The following SLC39A9 variants were observed in gnomAD, a reference collection of about 807,000 sequenced individuals.
SLC39A9 encodes the protein solute carrier family 39 member 9, also known as zinc transporter ZIP9.
In SLC39A9, 14 loss-of-function variants were observed where a neutral mutation model predicts 28.4. The observed-to-expected ratio is 0.49, with a 90% CI of 0.33 to 0.77. The LOEUF is 0.77. SLC39A9 is among the 30% of genes least tolerant of loss of function. The pLI is 0.02. For synonymous variants in SLC39A9, 119 were observed against 149.6 expected (o/e 0.80, Z 1.49); for missense variants, 283 against 381.1 (o/e 0.74, Z 2.14).
At chr14:69,425,468 A>G (rs1248286473) in intron 2 of SLC39A9, among the ~76,000 whole-genome samples, 2 of 152,166 alleles carry the variant, frequency 1.3e-5, no homozygotes, top group Non-Finnish European at 2.9e-5. Flanking sequence ...TAAAAGTATG[A>G]TTTCCTGACC....
At chr14:69,429,392 T>C (rs1884369959) in intron 2 of SLC39A9, 1 of 152,212 alleles carries the variant, frequency 6.6e-6, no homozygotes, top group Non-Finnish European at 1.5e-5. Context: ...ATGAACCATG[T>C]TTGGCTATTC....
At chr14:69,420,290 G>A (rs1239048383) in intron 1 of SLC39A9, among the ~76,000 whole-genome samples, 1 of 152,186 alleles carries the variant, frequency 6.6e-6, no homozygotes, top group Non-Finnish European at 1.5e-5. Context: ...ATTCTGGGTT[G>A]AAAATTCTTT....
intron 2 of SLC39A9, among the ~76,000 whole-genome samples, chr14:69,433,447 T>C (rs1884589287): frequency 6.6e-6 from 1 of 152,228 alleles, no homozygotes; most frequent in Admixed American, 6.5e-5. Flanking sequence ...TGCTGGCCTC[T>C]TAGATTTGGG....
At chr14:69,433,478 T>C (rs546365181) in intron 2 of SLC39A9, among the ~76,000 whole-genome samples, 1 of 152,354 alleles carries the variant, frequency 6.6e-6, no homozygotes, top group Admixed American at 6.5e-5. Flanking sequence ...TTCTCTTTTA[T>C]ATCCTAGAAG....
chr14:69,442,167 A>G lies in SLC39A9; in HGVS notation c.304A>G (p.Thr102Ala). ...VHEHEHSHDH[T>A]QLHAYIGVSL... ...TGAACATGAGCACAGCCACGACCAC[A>G]CACAGCTGCATGCCTATATTGGTGT... Residue 102 changes from threonine (T) to alanine (A), a missense_variant, in exon 3 of 7, where the codon ACA (threonine) becomes GCA (alanine). Transcript: ENST00000336643. The G allele has an allele frequency of 6.2e-7, 1 of 1,614,208 alleles. No individual in the cohort carries two copies. The highest frequency in any genetic ancestry group is 8.5e-7 in the Non-Finnish European group (1 of 1,180,034).
At chr14:69,429,397 C>G (rs1884370189) in intron 2 of SLC39A9, 1 of 151,372 alleles carries the variant, frequency 6.6e-6, no homozygotes, top group Admixed American at 6.6e-5. Context: ...CCATGTTTGG[C>G]TATTCCTTCA....
At chr14:69,410,429 A>G (rs766372189) in intron 1 of SLC39A9, among the ~76,000 whole-genome samples, 6 of 152,116 alleles carry the variant, frequency 3.9e-5, no homozygotes, top group African/African-American at 9.7e-5. Context: ...GTGCACTAAT[A>G]TATCCTGCTC....
intron 1 of SLC39A9, among the ~76,000 whole-genome samples, chr14:69,402,109 G>A (rs556415429): frequency 5.9e-5 from 9 of 151,986 alleles, no homozygotes; most frequent in Non-Finnish European, 1.2e-4. Context: ...CTGTTTTACA[G>A]TTCACTTTCG....
chr14:69,419,721 C>A (rs777508816), intron 1 of SLC39A9, among the ~76,000 whole-genome samples: 3 of 152,166 alleles, frequency 2.0e-5, no homozygotes, highest in Non-Finnish European at 4.4e-5. Context: ...ATAGTTAGCT[C>A]TTCTTGTTGA....
In SLC39A9 at chr14:69,459,667, AG is replaced by A; in HGVS notation, c.*1075del. 2 of 985,194 alleles carry A rather than the reference AG, an allele frequency of 2.0e-6. No homozygotes were observed. The highest frequency in any genetic ancestry group is 2.4e-6 in the Non-Finnish European group (2 of 829,832). 61.0% of individuals were successfully genotyped at this position (985,194 alleles called of 1,614,324 possible). A position where few individuals can be genotyped will look rare whatever the true frequency, so the allele number is the denominator to read the frequency against. On this transcript the variant is annotated 3_prime_UTR_variant, in exon 7 of 7. Coordinates refer to ENST00000336643, the MANE Select transcript of SLC39A9 (RefSeq NM_018375.5). ...TCTTCTCACATAACCACCTGTAGCA[AG>A]ATGGATCATAAATGAGAAGTGTTTG... is the stretch of plus-strand genomic sequence containing the variant.
chr14:69,398,491 T>C (rs1440425778), upstream of SLC39A9: 6 of 587,422 alleles, frequency 1.0e-5, no homozygotes, highest in Non-Finnish European at 1.8e-5. Flanking sequence ...ATTATTTTTT[T>C]TCAAGACGCT....
intron 2 of SLC39A9, among the ~76,000 whole-genome samples, chr14:69,431,685 A>G (rs1226384714): frequency 6.6e-6 from 1 of 151,938 alleles, no homozygotes; most frequent in African/African-American, 2.4e-5. Flanking sequence ...TGAGCATACC[A>G]ATAGTTTTTC....
chr14:69,407,904 A>G (rs1883031851), intron 1 of SLC39A9, among the ~76,000 whole-genome samples: 1 of 152,212 alleles, frequency 6.6e-6, no homozygotes, highest in African/African-American at 2.4e-5. Context: ...TGCTGGGATT[A>G]CAGGCATGAG....
At chr14:69,399,514 G>A (rs1259878378) in intron 1 of SLC39A9, 49 bp downstream of exon 1, 5 of 1,484,116 alleles carry the variant, frequency 3.4e-6, no homozygotes, top group Non-Finnish European at 3.7e-6. Context: ...CTGTGAGATA[G>A]TAGTTTTAGT....
chr14:69,404,354 A>G (rs1199365551), intron 1 of SLC39A9, among the ~76,000 whole-genome samples: 1 of 152,228 alleles, frequency 6.6e-6, no homozygotes, highest in Non-Finnish European at 1.5e-5. Context: ...GTATCATTCA[A>G]AGTCAATGTT....
chr14:69,448,758 A>T (rs545780396), intron 3 of SLC39A9, among the ~76,000 whole-genome samples: 1 of 152,362 alleles, frequency 6.6e-6, no homozygotes, highest in Non-Finnish European at 1.5e-5. Flanking sequence ...AAAATTAGAA[A>T]AAGTGTCAGT....
chr14:69,457,712 T>G (rs17107007), intron 6 of SLC39A9, among the ~76,000 whole-genome samples: 8,457 of 152,304 alleles, frequency 0.056, 326 homozygotes, highest in East Asian at 0.093. Flanking sequence ...GAACCAGCAC[T>G]TAAAGTTCGT....
intron 6 of SLC39A9, 81 bp from the exon 7 acceptor site, chr14:69,458,282 A>T: frequency 6.5e-7 from 1 of 1,539,072 alleles, no homozygotes; most frequent in Non-Finnish European, 8.8e-7. Flanking sequence ...AAGAACAGTG[A>T]GTGTTTTTTA....
intron 6 of SLC39A9, among the ~76,000 whole-genome samples, chr14:69,457,673 T>G (rs1222152873): frequency 6.6e-6 from 1 of 152,206 alleles, no homozygotes; most frequent in African/African-American, 2.4e-5. Context: ...GTTGATTCTA[T>G]CTCAAGAATA....
Sources: allele counts gnomAD v4.1 joint callset (sites outside exome capture counted in the v4.1 genomes callset), GRCh38; gene constraint gnomAD v4.1.1; transcripts MANE v1.5; gene names NCBI Gene and HGNC (gene_info 2026-07-23, HGNC 2026-07-21).